DNAJB13: variants seen among roughly 807,000 people sequenced by gnomAD.
DNAJB13 encodes the protein dnaJ homolog subfamily B member 13.
Under a neutral mutation model 35.6 loss-of-function variants are expected in DNAJB13, and 22 were observed. That is an observed-to-expected ratio of 0.62 (90% CI 0.44 to 0.88). The LOEUF (loss-of-function observed/expected upper bound fraction) is 0.88, where lower values mean the gene tolerates loss of function less well. DNAJB13 is among the 40% of genes least tolerant of loss of function. The pLI is 0.00. For synonymous variants in DNAJB13, 136 were observed against 144.2 expected (o/e 0.94, Z 0.41); for missense variants, 370 against 384.3 (o/e 0.96, Z 0.31).
Position 73,970,193 on chromosome 11 carries a change from G to A in DNAJB13, c.*79G>A. ...CCTACCCGCCACAGCCTCAGGGTGT[G>A]CAGGGGAGCCTGCTGCACAGATATG... On this transcript the variant is annotated 3_prime_UTR_variant, in exon 8 of 8. Coordinates refer to ENST00000339764, the MANE Select transcript of DNAJB13 (RefSeq NM_153614.4). The A allele has an allele frequency of 1.3e-6, 2 of 1,507,430 alleles. No homozygotes were observed. Among genetic ancestry groups the A allele is most frequent in the Admixed American group, 4.3e-5 (2 of 46,070 alleles). 93.4% of individuals were successfully genotyped at this position (1,507,430 alleles called of 1,614,324 possible).
intron 3 of DNAJB13, among the ~76,000 whole-genome samples, chr11:73,960,661 A>G (rs764996401): frequency 1.3e-5 from 2 of 152,250 alleles, no homozygotes; most frequent in Admixed American, 1.3e-4. Flanking sequence ...CTACTAGGGA[A>G]GCAGCTATTA....
intron 1 of DNAJB13, among the ~76,000 whole-genome samples, chr11:73,951,983 C>T (rs1950597820): frequency 6.6e-6 from 1 of 151,934 alleles, no homozygotes; most frequent in South Asian, 2.1e-4. Context: ...ATTTATTGAG[C>T]GTCTACCACA....
rs1461126937 is a variant in DNAJB13 at position 73,968,357 on chromosome 11, A to G, written c.619A>G (p.Ile207Val). The G allele has an allele frequency of 2.1e-5, 34 of 1,614,092 alleles. No individual in the cohort carries two copies. Among genetic ancestry groups the G allele is most frequent in the Non-Finnish European group, 2.9e-5 (34 of 1,180,004 alleles). The change falls in exon 6 of 8, where the codon ATC (isoleucine) becomes GTC (valine). Residue 207 changes from isoleucine (I) to valine (V), a missense_variant. Transcript: ENST00000339764. The part of the protein sequence containing the change: ...EKEGDQGPNI[I>V]PADIIFIVKE... ...GTCCCCTGCCCAGGGCCCCAACATC[A>G]TCCCAGCAGACATCATTTTCATCGT...
intron 1 of DNAJB13, 146 bp downstream of exon 1, chr11:73,951,283 C>A: frequency 9.7e-7 from 1 of 1,035,044 alleles, no homozygotes; most frequent in Non-Finnish European, 1.4e-6. Context: ...TGTATCCTGG[C>A]TTTGGTCTGG....
intron 7 of DNAJB13, 82 bp from the exon 8 acceptor site, chr11:73,969,879 T>A (rs1951232283): frequency 6.8e-7 from 1 of 1,480,934 alleles, no homozygotes; most frequent in Admixed American, 2.2e-5. Flanking sequence ...TGGGGTTATG[T>A]GAGTAGGGGT....
chr11:73,963,459 C>T (rs1950990967), intron 3 of DNAJB13, among the ~76,000 whole-genome samples: 1 of 152,170 alleles, frequency 6.6e-6, no homozygotes, highest in African/African-American at 2.4e-5. Context: ...AGTGAGTCTA[C>T]AGGGCATCGC....
chr11:73,966,012 C>T (rs940830864), intron 4 of DNAJB13, 126 bp from the exon 5 acceptor site: 11 of 889,724 alleles, frequency 1.2e-5, no homozygotes, highest in Admixed American at 4.2e-5. Context: ...AGCCCAAGTA[C>T]AAATCCCATA....
intron 1 of DNAJB13, among the ~76,000 whole-genome samples, chr11:73,955,393 C>T (rs1190411540): frequency 6.6e-6 from 1 of 151,522 alleles, no homozygotes; most frequent in African/African-American, 2.4e-5. Context: ...ACTGCAACCT[C>T]CACCTTCTAG....
In DNAJB13 at chr11:73,970,091, C is replaced by G. The variant is rs780633991; in HGVS notation, c.928C>G (p.Leu310Val). 1 of 1,607,262 alleles carries G rather than the reference C, an allele frequency of 6.2e-7. No individual in the cohort carries two copies. Among genetic ancestry groups the G allele is most frequent in the South Asian group, 1.1e-5 (1 of 89,386 alleles). ...CCTCACACCCCAGAAGAAGCAGATG[C>G]TGCGCCAGGCATTGCTGACATGACT... is the stretch of plus-strand genomic sequence containing the variant. ...TRLTPQKKQM[L>V]RQALLT The change falls in exon 8 of 8, where the codon CTG (leucine) becomes GTG (valine). Residue 310 changes from leucine (L) to valine (V), a missense_variant. Coordinates refer to ENST00000339764, the MANE Select transcript of DNAJB13 (RefSeq NM_153614.4).
chr11:73,958,257 C>T, intron 1 of DNAJB13, 60 bp from the exon 2 acceptor site: 1 of 1,565,134 alleles, frequency 6.4e-7, no homozygotes, highest in Non-Finnish European at 8.8e-7. Flanking sequence ...GCTCTGAACT[C>T]TGGTCCGCCC....
At position 73,958,409 on chromosome 11, in the gene DNAJB13, T is replaced by C. The variant is rs201516616; in HGVS notation, c.161T>C (p.Val54Ala). 7 of 1,614,104 alleles carry C rather than the reference T, an allele frequency of 4.3e-6. No individual in the cohort carries two copies. The East Asian group carries it at 1.1e-4, about 26-fold the overall frequency. The change falls in exon 2 of 8, where the codon GTG becomes GCG. Residue 54 changes from valine (V) to alanine (A), a missense_variant. Transcript: ENST00000339764. ...IFRQIAEAYDVLSDPMKRGIY... is the reference protein window; with the variant it reads ...IFRQIAEAYDALSDPMKRGIY... ...AGGCAAATAGCAGAGGCCTACGACG[T>C]GCTGAGTGACCGTGAGTAGGTGTGG...
rs28413571 is a variant in DNAJB13 at position 73,964,810 on chromosome 11, T to A, written c.335-68T>A. The A allele has an allele frequency of 1.7e-4, 122 of 704,120 alleles. 3 individuals carry two copies. Among genetic ancestry groups the A allele is most frequent in the Middle Eastern group, 4.3e-4 (1 of 2,304 alleles). 43.6% of individuals were successfully genotyped at this position (704,120 alleles called of 1,614,324 possible). A position where few individuals can be genotyped will look rare whatever the true frequency, so the allele number is the denominator to read the frequency against. ...GTGTGTGTGTGTGTGTGTGTGTGTGTGTGCGCGCGCGCGCATGTCTGGGTC... is the reference window on the plus strand; with the variant it reads ...GTGTGTGTGTGTGTGTGTGTGTGTGAGTGCGCGCGCGCGCATGTCTGGGTC... On this transcript the variant is annotated intron_variant, in intron 3 of 7. Transcript: ENST00000339764.
intron 3 of DNAJB13, 30 bp downstream of exon 3, chr11:73,959,685 T>G (rs1449274678): frequency 6.2e-7 from 1 of 1,603,536 alleles, no homozygotes; most frequent in Non-Finnish European, 8.5e-7. Context: ...CACCTTGCCT[T>G]ATAGAGAAAG....
chr11:73,965,956 CAGGCTCTCCCCATTGCTGG>C (rs1951102787), intron 4 of DNAJB13, 163 bp from the exon 5 acceptor site: 1 of 606,498 alleles, frequency 1.6e-6, no homozygotes, highest in Admixed American at 2.6e-5. Context: ...TGGCTCAGGG[CAGGCTCTCCCCATTGCTGG>C]AGGCTCTTCC....
At chr11:73,963,490 C>T (rs1380897309) in intron 3 of DNAJB13, among the ~76,000 whole-genome samples, 1 of 152,168 alleles carries the variant, frequency 6.6e-6, no homozygotes, top group African/African-American at 2.4e-5. Context: ...AGGTCAGGCT[C>T]AGGGTCTGGG....
At chr11:73,969,449 G>A in intron 7 of DNAJB13, 127 bp downstream of exon 7, 1 of 644,242 alleles carries the variant, frequency 1.6e-6, no homozygotes, top group Non-Finnish European at 2.7e-6. Context: ...CCCTGCTGAG[G>A]GGATAGAGAG....
In DNAJB13 at chr11:73,951,107, G is replaced by A. The variant is rs768296643; in HGVS notation, c.38G>A (p.Arg13His). 1.2e-6 allele frequency: 2 copies of A among 1,614,110 alleles called. No individual in the cohort carries two copies. Among genetic ancestry groups the A allele is most frequent in the Non-Finnish European group, 1.7e-6 (2 of 1,180,018 alleles). The change falls in exon 1 of 8, where the codon CGC becomes CAC. Residue 13 changes from arginine to histidine, a missense_variant. Transcript: ENST00000339764. The stretch of plus-strand genomic sequence containing the variant: ...TATTACTCTGTGCTCGGGATCACTC[G>A]CAATTCAGAGGATGCCCAGATCAAG... ...QDYYSVLGIT[R>H]NSEDAQIKQA...
chr11:73,967,039 G>T (rs1951136906), intron 5 of DNAJB13, among the ~76,000 whole-genome samples: 1 of 152,090 alleles, frequency 6.6e-6, no homozygotes, highest in African/African-American at 2.4e-5. Context: ...TTTTAGTAGA[G>T]ACGGGGTTTC....
chr11:73,964,497 C>G, intron 3 of DNAJB13: 1 of 254,590 alleles, frequency 3.9e-6, no homozygotes, highest in South Asian at 3.9e-5. Flanking sequence ...CTCCTGAGCG[C>G]GGCCACCAGA....
Sources: gnomAD v4.1 joint callset for allele counts (sites outside exome capture counted in the v4.1 genomes callset) on GRCh38, gnomAD v4.1.1 for gene constraint, MANE v1.5 for transcripts, NCBI Gene and HGNC (gene_info 2026-07-23, HGNC 2026-07-21) for gene names.